The following KCNK1 variants were observed in gnomAD, a reference collection of about 807,000 sequenced individuals.
KCNK1 encodes potassium channel subfamily K member 1.
In KCNK1, 10 loss-of-function variants were observed where a neutral mutation model predicts 22.2. The observed-to-expected ratio is 0.45, with a 90% CI of 0.28 to 0.76. KCNK1 has a LOEUF of 0.76. Among genes scored for constraint, KCNK1 ranks in the 30% least tolerant of loss-of-function variants. KCNK1 has a pLI of 0.14. For missense variants in KCNK1, 378 were observed against 421.0 expected (o/e 0.90, Z 0.89); for synonymous variants, 200 against 186.4 (o/e 1.07, Z -0.60).
intron 1 of KCNK1, chr1:233,637,571 G>A (rs10910231): frequency 0.23 from 34,741 of 152,026 alleles, 4,263 homozygotes; most frequent in Middle Eastern, 0.29. Flanking sequence ...TTTCCATTTG[G>A]CAATGCAAGT....
In KCNK1 at chr1:233,671,400, T is replaced by C. The variant is rs773204035; in HGVS notation, c.881T>C (p.Ile294Thr). 1.4e-5 allele frequency: 22 copies of C among 1,614,020 alleles called. No homozygotes were observed. Among genetic ancestry groups the C allele is most frequent in the South Asian group, 2.2e-5 (2 of 91,084 alleles). The change falls in exon 3 of 3, where the codon ATA (isoleucine) becomes ACA (threonine). Residue 294 changes from isoleucine (I) to threonine (T), a missense_variant. Transcript: ENST00000366621. ...AAGGACGAGGATCAGGTGCACATCATAGAGCATGACCAACTGTCCTTCTCC... is the reference window on the plus strand; with the variant it reads ...AAGGACGAGGATCAGGTGCACATCACAGAGCATGACCAACTGTCCTTCTCC... ...KDKDEDQVHI[I>T]EHDQLSFSSI...
chr1:233,616,888 A>G (rs1179884766), intron 1 of KCNK1, among the ~76,000 whole-genome samples: 1 of 152,242 alleles, frequency 6.6e-6, no homozygotes, highest in Non-Finnish European at 1.5e-5. Context: ...TGTGCTGGAA[A>G]CAAACAATAT....
chr1:233,620,080 A>G (rs564389038), intron 1 of KCNK1, among the ~76,000 whole-genome samples: 1 of 152,234 alleles, frequency 6.6e-6, no homozygotes, highest in Admixed American at 6.5e-5. Flanking sequence ...AAAAAGAAAA[A>G]GAATGTTTTC....
intron 1 of KCNK1, chr1:233,649,872 G>A (rs1335543137): frequency 1.8e-5 from 9 of 486,820 alleles, no homozygotes; most frequent in South Asian, 1.4e-4. Flanking sequence ...CCAGCAAATG[G>A]ATATCTTTAA....
chr1:233,619,000 C>G (rs2102880486), intron 1 of KCNK1, among the ~76,000 whole-genome samples: 1 of 152,222 alleles, frequency 6.6e-6, no homozygotes, highest in Middle Eastern at 3.4e-3. Flanking sequence ...TGTGACAGCT[C>G]AGTTCCTGTT....
rs377086689 is a variant in KCNK1 at position 233,632,287 on chromosome 1, CT to C, written c.355+17769del. Among the ~76,000 whole-genome samples, 730 of 152,076 alleles carry C rather than the reference CT, an allele frequency of 4.8e-3. 5 individuals are homozygous for C. Among genetic ancestry groups the C allele is most frequent in the South Asian group, 0.025 (121 of 4,812 alleles). Reference sequence around the variant, plus strand: ...TAACATCGTTGCTCTGTTTTCTACTCTTTTTTTTCTCCCTAAAAATGTGAGC... The same window carrying C: ...TAACATCGTTGCTCTGTTTTCTACTCTTTTTTTCTCCCTAAAAATGTGAGC... On this transcript the variant is annotated intron_variant, in intron 1 of 2. Transcript: ENST00000366621.
intron 1 of KCNK1, among the ~76,000 whole-genome samples, chr1:233,627,854 A>G (rs529059202): frequency 6.6e-6 from 1 of 152,360 alleles, no homozygotes; most frequent in Admixed American, 6.5e-5. Context: ...AGTTGATGGG[A>G]TGTGACCTAA....
chr1:233,617,575 T>A (rs1302856422), intron 1 of KCNK1, among the ~76,000 whole-genome samples: 3 of 152,142 alleles, frequency 2.0e-5, no homozygotes, highest in African/African-American at 7.2e-5. Flanking sequence ...GTTTATGTAT[T>A]TTTAGGACAG....
intron 1 of KCNK1, chr1:233,650,148 T>C (rs1405898517): frequency 9.4e-6 from 4 of 426,446 alleles, no homozygotes; most frequent in African/African-American, 2.0e-5. Context: ...CATTAGAATT[T>C]ACCAGCATCT....
chr1:233,637,746 G>C (rs1657926386), intron 1 of KCNK1, among the ~76,000 whole-genome samples: 1 of 152,046 alleles, frequency 6.6e-6, no homozygotes, highest in African/African-American at 2.4e-5. Context: ...ATGTCGTTTT[G>C]GGAACCTCAG....
At chr1:233,616,105 GC>G (rs1157968943) in intron 1 of KCNK1, among the ~76,000 whole-genome samples, 1 of 152,150 alleles carries the variant, frequency 6.6e-6, no homozygotes, top group Admixed American at 6.5e-5. Context: ...GAGTCACCAT[GC>G]CTTTCCTTTG....
chr1:233,642,996 G>A (rs1245441081), intron 1 of KCNK1, among the ~76,000 whole-genome samples: 1 of 148,614 alleles, frequency 6.7e-6, no homozygotes, highest in Non-Finnish European at 1.5e-5. Context: ...TGGCCAGGCT[G>A]GTCTCGAACT....
At chr1:233,640,712 CTCTT>C (rs146717228) in intron 1 of KCNK1, among the ~76,000 whole-genome samples, 2,049 of 152,138 alleles carry the variant, frequency 0.013, 45 homozygotes, top group African/African-American at 0.046. Flanking sequence ...TTTTCTCTCT[CTCTT>C]TCTTTTTTAG....
intron 1 of KCNK1, among the ~76,000 whole-genome samples, chr1:233,661,420 A>G (rs1658390853): frequency 6.6e-6 from 1 of 152,188 alleles, no homozygotes. Flanking sequence ...GCTTGTTAGC[A>G]AGAAACGATT....
At chr1:233,629,440 G>T (rs2102887230) in intron 1 of KCNK1, 1 of 152,376 alleles carries the variant, frequency 6.6e-6, no homozygotes, top group African/African-American at 2.4e-5. Context: ...AGGCAGCCTT[G>T]CCTTAGAGAG....
intron 1 of KCNK1, among the ~76,000 whole-genome samples, chr1:233,653,327 A>C (rs956048955): frequency 1.3e-5 from 2 of 152,294 alleles, no homozygotes; most frequent in South Asian, 4.1e-4. Flanking sequence ...TTTCAATTAC[A>C]GATATCCCCT....
At chr1:233,670,712 A>G (rs1658582007) in intron 2 of KCNK1, among the ~76,000 whole-genome samples, 1 of 152,202 alleles carries the variant, frequency 6.6e-6, no homozygotes, top group Non-Finnish European at 1.5e-5. Context: ...CTCCAACAAC[A>G]CATGGGAATT....
At chr1:233,647,646 T>A (rs945987944) in intron 1 of KCNK1, among the ~76,000 whole-genome samples, 1 of 152,182 alleles carries the variant, frequency 6.6e-6, no homozygotes, top group Non-Finnish European at 1.5e-5. Context: ...AATTCTCTGC[T>A]CCACTCTGGC....
In KCNK1 at chr1:233,614,242, G is replaced by A. The variant is rs1433149408; in HGVS notation, c.71G>A (p.Gly24Asp). ...CGGCACCGCTCGGCCTGGTGCTTCG[G>A]CTTCCTGGTGCTGGGCTACTTGCTC... is the stretch of plus-strand genomic sequence containing the variant. ...VERHRSAWCF[G>D]FLVLGYLLYL... is the part of the protein sequence containing the mutation. The change falls in exon 1 of 3, where the codon GGC becomes GAC. Residue 24 changes from glycine (G) to aspartate (D), a missense_variant. By Grantham distance (94) the Gly-to-Asp change is moderately conservative (BLOSUM62 -1). Coordinates refer to ENST00000366621, the MANE Select transcript of KCNK1 (RefSeq NM_002245.4). 1 of 1,612,582 alleles carries A rather than the reference G, an allele frequency of 6.2e-7. No individual in the cohort carries two copies.
Sources: allele counts gnomAD v4.1 joint callset (sites outside exome capture counted in the v4.1 genomes callset), GRCh38; gene constraint gnomAD v4.1.1; transcripts MANE v1.5; gene names NCBI Gene and HGNC (gene_info 2026-07-23, HGNC 2026-07-21).